AFG2A: variants seen among roughly 807,000 people sequenced by gnomAD.
AFG2A encodes the protein ATPase family gene 2 protein homolog A.
chr4:123,243,772 C>A, the AFG2A span, among the ~76,000 whole-genome samples: 1 of 150,878 alleles, frequency 6.6e-6, no homozygotes, highest in African/African-American at 2.4e-5. Flanking sequence ...TGTGGTGGTT[C>A]ACACCTGTAA....
the AFG2A span, among the ~76,000 whole-genome samples, chr4:122,996,746 T>C: frequency 6.6e-6 from 1 of 152,144 alleles, no homozygotes; most frequent in South Asian, 2.1e-4. Context: ...TCAGTCCAAG[T>C]CCCAGGGTCT....
chr4:123,142,986 C>A, the AFG2A span, among the ~76,000 whole-genome samples: 1 of 152,048 alleles, frequency 6.6e-6, no homozygotes, highest in South Asian at 2.1e-4. Context: ...CTTTTGAGTT[C>A]TAACATAATG....
chr4:123,090,710 G>C, the AFG2A span: 1 of 1,610,956 alleles, frequency 6.2e-7, no homozygotes, highest in Admixed American at 1.7e-5. Context: ...GACAAGGTAA[G>C]AGAGAAGGCA....
the AFG2A span, among the ~76,000 whole-genome samples, chr4:123,148,657 C>T: frequency 2.0e-5 from 3 of 151,984 alleles, no homozygotes; most frequent in African/African-American, 4.8e-5. Context: ...AGATTTCTAA[C>T]GTGGGATAGG....
chr4:123,137,053 A>G, the AFG2A span, among the ~76,000 whole-genome samples: 57 of 152,086 alleles, frequency 3.7e-4, no homozygotes, highest in African/African-American at 1.3e-3. Flanking sequence ...GGAGCACACA[A>G]CGTAGATACC....
chr4:123,306,668 G>A, the AFG2A span, among the ~76,000 whole-genome samples: 1,872 of 151,898 alleles, frequency 0.012, 33 homozygotes, highest in African/African-American at 0.043. Flanking sequence ...TGATTCTCCT[G>A]CCTCAGCCTC....
At chr4:123,026,066 C>A in the AFG2A span, among the ~76,000 whole-genome samples, 1 of 151,394 alleles carries the variant, frequency 6.6e-6, no homozygotes, top group East Asian at 1.9e-4. Context: ...TTCTCAGGGC[C>A]CTGTGTAGAG....
At chr4:123,167,065 A>G in the AFG2A span, among the ~76,000 whole-genome samples, 2 of 151,966 alleles carry the variant, frequency 1.3e-5, no homozygotes, top group Non-Finnish European at 2.9e-5. Context: ...TGAGGATTAA[A>G]TGAATTAATA....
chr4:123,029,937 CA>C, the AFG2A span, among the ~76,000 whole-genome samples: 1 of 152,178 alleles, frequency 6.6e-6, no homozygotes, highest in African/African-American at 2.4e-5. Context: ...TGCAACACAG[CA>C]AAGGTTGCGG....
At chr4:122,945,624 C>T in the AFG2A span, among the ~76,000 whole-genome samples, 2 of 152,206 alleles carry the variant, frequency 1.3e-5, no homozygotes, top group Non-Finnish European at 2.9e-5. Flanking sequence ...CACCCTGCTT[C>T]GGCTCGCACA....
At chr4:123,228,411 T>G in the AFG2A span, among the ~76,000 whole-genome samples, 20 of 151,864 alleles carry the variant, frequency 1.3e-4, no homozygotes, top group East Asian at 3.7e-3. Context: ...GAGGAAAATC[T>G]TAAAAGCAAC....
At chr4:122,993,875 G>T in the AFG2A span, among the ~76,000 whole-genome samples, 1 of 151,940 alleles carries the variant, frequency 6.6e-6, no homozygotes, top group Non-Finnish European at 1.5e-5. Flanking sequence ...TAAATTTTTA[G>T]ATAAAAGGGT....
the AFG2A span, among the ~76,000 whole-genome samples, chr4:122,973,386 A>G: frequency 7.3e-5 from 11 of 149,982 alleles, no homozygotes; most frequent in African/African-American, 2.7e-4. Flanking sequence ...TACTTAATAC[A>G]TTTATATTTA....
the AFG2A span, among the ~76,000 whole-genome samples, chr4:123,258,255 T>A: frequency 6.6e-5 from 10 of 152,230 alleles, no homozygotes; most frequent in African/African-American, 2.4e-4. Context: ...GTTTTTGTTT[T>A]GTTTTGTTTT....
At chr4:123,105,053 A>G in the AFG2A span, among the ~76,000 whole-genome samples, 2 of 152,238 alleles carry the variant, frequency 1.3e-5, no homozygotes, top group South Asian at 2.1e-4. Context: ...TAGGACTTTC[A>G]TAGCTAGAGA....
the AFG2A span, among the ~76,000 whole-genome samples, chr4:123,243,869 A>C: frequency 1.3e-5 from 2 of 151,774 alleles, no homozygotes; most frequent in African/African-American, 2.4e-5. Context: ...ATAAAATTTA[A>C]ATGTTAGCCA....
At chr4:123,197,592 A>G in the AFG2A span, among the ~76,000 whole-genome samples, 1 of 151,752 alleles carries the variant, frequency 6.6e-6, no homozygotes, top group Non-Finnish European at 1.5e-5. Context: ...ACGTAGTGAA[A>G]CCCCGTCTCT....
At chr4:123,272,599 C>G in the AFG2A span, among the ~76,000 whole-genome samples, 1 of 152,162 alleles carries the variant, frequency 6.6e-6, no homozygotes, top group Non-Finnish European at 1.5e-5. Context: ...GGACATTCAC[C>G]TGCAGAAGCT....
At chr4:123,200,037 A>G in the AFG2A span, among the ~76,000 whole-genome samples, 112 of 152,328 alleles carry the variant, frequency 7.4e-4, no homozygotes, top group African/African-American at 2.4e-3. Flanking sequence ...CAGAACGTAG[A>G]ACTACTTTTG....
Sources: allele counts gnomAD v4.1 joint callset (sites outside exome capture counted in the v4.1 genomes callset), GRCh38; gene constraint gnomAD v4.1.1; transcripts MANE v1.5; gene names NCBI Gene and HGNC (gene_info 2026-07-23, HGNC 2026-07-21).